PPFIA2: variants seen among roughly 807,000 people sequenced by gnomAD.
The protein encoded by PPFIA2 is PPFI scaffold protein A2.
Under a neutral mutation model 175.5 loss-of-function variants are expected in PPFIA2, and 46 were observed. That is an observed-to-expected ratio of 0.26 (90% CI 0.21 to 0.34). PPFIA2 has a LOEUF of 0.34. Ranked by LOEUF, PPFIA2 falls within the 10% of genes least tolerant of loss-of-function variation. PPFIA2 has a pLI of 1.00. For missense variants in PPFIA2, 1,179 were observed against 1,506.1 expected, an observed-to-expected ratio of 0.78 and a Z score of 3.60; for synonymous variants, 568 against 511.4, an observed-to-expected ratio of 1.11 and a Z score of -1.49.
intron 11 of PPFIA2, 32 bp downstream of exon 11, chr12:81,374,602 A>T (rs374109966): frequency 6.4e-7 from 1 of 1,572,730 alleles, no homozygotes. Context: ...CTACAAATAT[A>T]TCTAGGTTGA....
At chr12:81,642,703 T>C (rs12369737) in intron 4 of PPFIA2, among the ~76,000 whole-genome samples, 3,147 of 13,918 alleles carry the variant, frequency 0.23, 1,229 homozygotes, top group South Asian at 0.45. Context: ...CATACATGTA[T>C]ATGTATGTAT....
At chr12:81,695,388 G>A (rs1433669606) in intron 3 of PPFIA2, among the ~76,000 whole-genome samples, 2 of 152,026 alleles carry the variant, frequency 1.3e-5, no homozygotes, top group African/African-American at 4.8e-5. Flanking sequence ...TGCGAGATCT[G>A]GTCATTTAAA....
intron 4 of PPFIA2, among the ~76,000 whole-genome samples, chr12:81,534,824 G>T (rs533209814): frequency 1.2e-4 from 18 of 151,660 alleles, no homozygotes; most frequent in Non-Finnish European, 2.5e-4. Flanking sequence ...AAAAAAGAGA[G>T]TAGTGCTGAT....
chr12:81,716,104 C>T (rs1306872966), intron 3 of PPFIA2, among the ~76,000 whole-genome samples: 2 of 151,238 alleles, frequency 1.3e-5, no homozygotes, highest in African/African-American at 4.8e-5. Flanking sequence ...GTAATAATGG[C>T]TAATTGTTCA....
intron 4 of PPFIA2, among the ~76,000 whole-genome samples, chr12:81,536,802 T>C (rs1216448153): frequency 2.7e-5 from 4 of 146,740 alleles, no homozygotes; most frequent in African/African-American, 9.9e-5. Context: ...ACTTCTCCAT[T>C]AGAAAATTAT....
chr12:81,259,456 T>G lies in PPFIA2; in HGVS notation c.*238A>C. On this transcript the variant is annotated 3_prime_UTR_variant, in exon 33 of 33. Transcript: ENST00000549396. ...AGTTTATGATGTAGATGATGTTTAT[T>G]ATTCAAATGACTTAAGCATTTTATT... 1 of 666,722 alleles carries G rather than the reference T, an allele frequency of 1.5e-6. No homozygotes were observed. Among genetic ancestry groups the G allele is most frequent in the Non-Finnish European group, 2.7e-6 (1 of 376,224 alleles). 41.3% of individuals were successfully genotyped at this position (666,722 alleles called of 1,614,324 possible).
intron 21 of PPFIA2, among the ~76,000 whole-genome samples, chr12:81,331,855 T>C (rs2056192376): frequency 1.3e-5 from 2 of 152,212 alleles, no homozygotes; most frequent in African/African-American, 4.8e-5. Context: ...GCCTCTTCTT[T>C]ATCCTAACCA....
Position 81,291,080 on chromosome 12 carries a change from A to T in PPFIA2, c.2925+3755T>A, listed in dbSNP as rs1336318190. Among the ~76,000 whole-genome samples the T allele has an allele frequency of 3.3e-5, 5 of 151,998 alleles. No individual in the cohort carries two copies. The East Asian group carries it at 9.6e-4, about 29-fold the overall frequency. On this transcript the variant is annotated intron_variant, in intron 24 of 32. Transcript: ENST00000549396. ...TGAAATAATCCATTTATATAAAAAGATAATGAAAAAAGAATGACAAGATCT... is the reference window on the plus strand; with the variant it reads ...TGAAATAATCCATTTATATAAAAAGTTAATGAAAAAAGAATGACAAGATCT...
chr12:81,610,453 T>C (rs1010150343), intron 4 of PPFIA2, among the ~76,000 whole-genome samples: 6 of 152,222 alleles, frequency 3.9e-5, no homozygotes, highest in African/African-American at 1.4e-4. Context: ...AATTCCTTTT[T>C]GACTTAGTTG....
chr12:81,425,716 ACTCT>A (rs150460899), intron 7 of PPFIA2, among the ~76,000 whole-genome samples: 2 of 148,826 alleles, frequency 1.3e-5, no homozygotes, highest in Non-Finnish European at 3.0e-5. Context: ...CTTTTAAAAG[ACTCT>A]CTCTCTCTCT....
chr12:81,749,350 CTG>C (rs376311330), intron 3 of PPFIA2, among the ~76,000 whole-genome samples: 7 of 143,944 alleles, frequency 4.9e-5, no homozygotes, highest in African/African-American at 1.5e-4. Context: ...CCTAAACTGT[CTG>C]AGAGCCAAAC....
rs561718701 is a variant in PPFIA2 at position 81,630,151 on chromosome 12, C to T, written c.303+46640G>A. On this transcript the variant is annotated intron_variant, in intron 4 of 32. Transcript: ENST00000549396. Reference sequence around the variant, plus strand: ...CTTCCTTAGAGTCTCCAGTGGAACACAGCCTGGCTAACGCTATGATTTTAG... The same window carrying T: ...CTTCCTTAGAGTCTCCAGTGGAACATAGCCTGGCTAACGCTATGATTTTAG... Among the ~76,000 whole-genome samples, 5 of 152,304 alleles carry T rather than the reference C, an allele frequency of 3.3e-5. No individual in the cohort carries two copies. In the East Asian group the frequency reaches 9.6e-4, roughly 29 times the overall value.
At chr12:81,671,057 A>G (rs2071306859) in intron 4 of PPFIA2, among the ~76,000 whole-genome samples, 1 of 151,846 alleles carries the variant, frequency 6.6e-6, no homozygotes. Flanking sequence ...TTTAAATGAG[A>G]CCTCACCTTT....
At chr12:81,432,761 C>T (rs2048328299) in intron 7 of PPFIA2, among the ~76,000 whole-genome samples, 1 of 151,970 alleles carries the variant, frequency 6.6e-6, no homozygotes, top group African/African-American at 2.4e-5. Context: ...CCGGCTAGAA[C>T]TAACTATTTA....
At chr12:81,617,317 G>A (rs914415543) in intron 4 of PPFIA2, among the ~76,000 whole-genome samples, 3 of 152,022 alleles carry the variant, frequency 2.0e-5, no homozygotes, top group Admixed American at 6.6e-5. Flanking sequence ...CTCCAGTGTC[G>A]CCTCTGTCAT....
intron 4 of PPFIA2, among the ~76,000 whole-genome samples, chr12:81,466,109 T>A (rs73358647): frequency 6.6e-6 from 1 of 152,006 alleles, no homozygotes; most frequent in Non-Finnish European, 1.5e-5. Flanking sequence ...ATAACTAATG[T>A]AATGTGACAG....
At chr12:81,757,826 G>T (rs1048918515) in intron 2 of PPFIA2, among the ~76,000 whole-genome samples, 4 of 151,994 alleles carry the variant, frequency 2.6e-5, no homozygotes, top group Non-Finnish European at 4.4e-5. Context: ...ATATCACTAG[G>T]AATTCGGCCC....
intron 4 of PPFIA2, among the ~76,000 whole-genome samples, chr12:81,645,977 A>G (rs1256042009): frequency 6.6e-6 from 1 of 152,220 alleles, no homozygotes; most frequent in Non-Finnish European, 1.5e-5. Flanking sequence ...CTGCTTTGAT[A>G]ACCAAAGCCA....
intron 2 of PPFIA2, among the ~76,000 whole-genome samples, chr12:81,756,107 T>A (rs1380965196): frequency 2.0e-5 from 3 of 152,144 alleles, no homozygotes; most frequent in African/African-American, 7.2e-5. Context: ...AACCTACACA[T>A]TGAGCCGCTA....
Sources: allele counts gnomAD v4.1 joint callset (sites outside exome capture counted in the v4.1 genomes callset), GRCh38; gene constraint gnomAD v4.1.1; transcripts MANE v1.5; gene names NCBI Gene and HGNC (gene_info 2026-07-23, HGNC 2026-07-21).